TMEM255B: variants seen among roughly 807,000 people sequenced by gnomAD.
TMEM255B encodes the protein transmembrane protein 255B.
Under a neutral mutation model 34.5 loss-of-function variants are expected in TMEM255B, and 35 were observed. That is an observed-to-expected ratio of 1.01 (90% CI 0.77 to 1.34). TMEM255B has a LOEUF of 1.34. TMEM255B is among the 40% of genes most tolerant of loss of function. The probability of loss-of-function intolerance (pLI) is 0.00; values close to 1 mark genes in which losing one functional copy is unlikely to be tolerated. For missense variants in TMEM255B, 432 were observed against 433.2 expected, an observed-to-expected ratio of 1.00 and a Z score of 0.02; for synonymous variants, 206 against 201.2, an observed-to-expected ratio of 1.02 and a Z score of -0.20.
At chr13:113,763,741 G>A (rs1566718138) in intron 1 of TMEM255B, among the ~76,000 whole-genome samples, 4 of 152,200 alleles carry the variant, frequency 2.6e-5, no homozygotes, top group African/African-American at 7.2e-5. Context: ...TCTGAGCAGC[G>A]TAAAAATCAC....
At position 113,804,974 on chromosome 13, in the gene TMEM255B, C is replaced by T. The variant is rs777279224; in HGVS notation, c.759C>T (p.Phe253=). The T allele has an allele frequency of 6.2e-7, 1 of 1,606,720 alleles. No individual in the cohort carries two copies. Among genetic ancestry groups the T allele is most frequent in the East Asian group, 2.2e-5 (1 of 44,836 alleles). The part of the protein sequence containing the change: ...PAQQILAYAG[F]RLTPEPVPTC... ...AGCAGATCCTGGCCTACGCAGGCTT[C>T]CGCCTGACGCCCGAGCCCGTCCCGA... Residue 253 remains phenylalanine (F), a synonymous_variant, in exon 8 of 9, where the codon TTC becomes TTT. Coordinates refer to ENST00000375353, the MANE Select transcript of TMEM255B (RefSeq NM_182614.4).
chr13:113,789,640 ACCATGAGAAGCT>A (rs1360207128), intron 3 of TMEM255B, among the ~76,000 whole-genome samples: 1 of 152,208 alleles, frequency 6.6e-6, no homozygotes, highest in Non-Finnish European at 1.5e-5. Context: ...GGGTTGAAGC[ACCATGAGAAGCT>A]CTTGGCATTT....
chr13:113,766,054 T>C, intron 1 of TMEM255B, 61 bp from the exon 2 acceptor site: 1 of 1,602,630 alleles, frequency 6.2e-7, no homozygotes, highest in Non-Finnish European at 8.5e-7. Flanking sequence ...CAGAGCCTGC[T>C]GGCCTGACGC....
At chr13:113,761,355 C>A (rs1345656700) in intron 1 of TMEM255B, 1 of 985,198 alleles carries the variant, frequency 1.0e-6, no homozygotes, top group Non-Finnish European at 1.2e-6. Flanking sequence ...CAGGTAGGAC[C>A]TGGCGTGGGC....
rs2051324685 is a variant in TMEM255B, at chr13:113,812,146, A to C, written c.*243A>C. 3 of 529,760 alleles carry C rather than the reference A, an allele frequency of 5.7e-6. No homozygotes were observed. Among genetic ancestry groups the C allele is most frequent in the East Asian group, 3.3e-5 (1 of 29,924 alleles). The allele number at this position is 529,760 out of a possible 1,614,324, so 32.8% of individuals were successfully genotyped here. ...CTCTGCTCACATCAAATGGCGCTGA[A>C]AGTTCCCACCCGGCCTCCTCCTCTG... On this transcript the variant is annotated 3_prime_UTR_variant, in exon 9 of 9. Coordinates refer to ENST00000375353, the MANE Select transcript of TMEM255B (RefSeq NM_182614.4).
rs755253708 is a variant in TMEM255B at position 113,795,172 on chromosome 13, A to G, written c.277A>G (p.Ser93Gly). The G allele has an allele frequency of 5.0e-6, 8 of 1,613,832 alleles. No homozygotes were observed. The African/African-American group carries it at 6.7e-5, about 13-fold the overall frequency. ...GCTGGTGGCAGCGATCGTGTTTATC[A>G]GTTTTGGCGTGGTGGCCGCCTTCTG... is the stretch of plus-strand genomic sequence containing the variant. ...QMLVAAIVFISFGVVAAFCCA... is the reference protein window; with the variant it reads ...QMLVAAIVFIGFGVVAAFCCA... The change falls in exon 4 of 9, where the codon AGT becomes GGT. Residue 93 changes from serine to glycine, a missense_variant. Coordinates refer to ENST00000375353, the MANE Select transcript of TMEM255B (RefSeq NM_182614.4).
At chr13:113,763,201 C>T (rs1409102285) in intron 1 of TMEM255B, among the ~76,000 whole-genome samples, 1 of 152,146 alleles carries the variant, frequency 6.6e-6, no homozygotes, top group African/African-American at 2.4e-5. Flanking sequence ...CGACACACAG[C>T]CCAATCCATA....
chr13:113,796,821 G>T (rs1345963411), intron 4 of TMEM255B, among the ~76,000 whole-genome samples: 1 of 152,226 alleles, frequency 6.6e-6, no homozygotes, highest in Non-Finnish European at 1.5e-5. Context: ...ACACTGAAAG[G>T]CACTGAAGGT....
intron 7 of TMEM255B, chr13:113,803,424 C>T (rs975668893): frequency 8.8e-5 from 13 of 148,376 alleles, no homozygotes; most frequent in African/African-American, 2.5e-4. Context: ...ACGTGCCCTT[C>T]GTAGACGAGG....
intron 6 of TMEM255B, among the ~76,000 whole-genome samples, chr13:113,801,414 G>T (rs1344131929): frequency 1.3e-5 from 2 of 152,194 alleles, no homozygotes; most frequent in Non-Finnish European, 2.9e-5. Context: ...CGGAGGGGCG[G>T]GCCCGCCAGG....
intron 5 of TMEM255B, chr13:113,800,120 C>T: frequency 9.0e-7 from 1 of 1,109,684 alleles, no homozygotes; most frequent in Non-Finnish European, 1.1e-6. Flanking sequence ...AGGAGGCGTC[C>T]CGTGTGTGTT....
At chr13:113,759,888 C>T (rs554602982) in intron 1 of TMEM255B, among the ~76,000 whole-genome samples, 1 of 152,250 alleles carries the variant, frequency 6.6e-6, no homozygotes, top group East Asian at 1.9e-4. Context: ...CTTCCCAGAC[C>T]AAGCCCGCTG....
chr13:113,768,202 G>C (rs754170881), intron 2 of TMEM255B: 74 of 470,654 alleles, frequency 1.6e-4, no homozygotes, highest in Non-Finnish European at 5.7e-5. Context: ...GGGAGCAAGA[G>C]CCGTCTTAGG....
chr13:113,764,587 C>G (rs534716557), intron 1 of TMEM255B, among the ~76,000 whole-genome samples: 1 of 152,208 alleles, frequency 6.6e-6, no homozygotes, highest in Non-Finnish European at 1.5e-5. Flanking sequence ...ACATCCGGAG[C>G]GCCCTGTCCC....
intron 3 of TMEM255B, among the ~76,000 whole-genome samples, chr13:113,794,241 C>T (rs1310623634): frequency 1.3e-5 from 2 of 152,160 alleles, no homozygotes; most frequent in Non-Finnish European, 2.9e-5. Context: ...GGAGACCACT[C>T]TGCTCGGTCG....
rs2138599828 is a variant in TMEM255B, at chr13:113,816,849, G to C, written c.*4946G>C. 1 of 152,368 alleles carries C rather than the reference G, an allele frequency of 6.6e-6. No individual in the cohort carries two copies. The highest frequency in any genetic ancestry group is 2.1e-4 in the South Asian group (1 of 4,824). The allele number at this position is 152,368 out of a possible 1,614,324, so 9.4% of individuals were successfully genotyped here. Reference sequence around the variant, plus strand: ...GACCCTCCCCCTCTCCCCTCGTGGAGTCCTTGACCCTGGGGCAGGTGACCC... The same window carrying C: ...GACCCTCCCCCTCTCCCCTCGTGGACTCCTTGACCCTGGGGCAGGTGACCC... On this transcript the variant is annotated 3_prime_UTR_variant, in exon 9 of 9. Coordinates refer to ENST00000375353, the MANE Select transcript of TMEM255B (RefSeq NM_182614.4).
chr13:113,801,295 G>A (rs181370160), intron 6 of TMEM255B, among the ~76,000 whole-genome samples: 1 of 152,372 alleles, frequency 6.6e-6, no homozygotes, highest in Non-Finnish European at 1.5e-5. Context: ...CCCAGGCATG[G>A]CCCCCTCTTG....
intron 8 of TMEM255B, among the ~76,000 whole-genome samples, chr13:113,807,714 C>T (rs1487783879): frequency 7.3e-6 from 1 of 137,490 alleles, no homozygotes; most frequent in Non-Finnish European, 1.6e-5. Flanking sequence ...GGGGGTGGTC[C>T]TCCCTGTCAC....
chr13:113,802,503 C>A (rs2138576569), intron 7 of TMEM255B, among the ~76,000 whole-genome samples: 1 of 152,308 alleles, frequency 6.6e-6, no homozygotes, highest in Non-Finnish European at 1.5e-5. Flanking sequence ...CAAACGGCAG[C>A]CCAGGGACGA....
Sources: gnomAD v4.1 joint callset for allele counts (sites outside exome capture counted in the v4.1 genomes callset) on GRCh38, gnomAD v4.1.1 for gene constraint, MANE v1.5 for transcripts, NCBI Gene and HGNC (gene_info 2026-07-23, HGNC 2026-07-21) for gene names.